Variants in AVL9 observed in about 807,000 individuals in gnomAD.
AVL9 encodes AVL9 cell migration associated, also known as late secretory pathway protein AVL9 homolog.
In AVL9, 49 loss-of-function variants were observed where a neutral mutation model predicts 79.2. The observed-to-expected ratio is 0.62, with a 90% CI of 0.49 to 0.79. AVL9 has a LOEUF of 0.79. Ranked by LOEUF, AVL9 falls within the 30% of genes least tolerant of loss-of-function variation. The probability of loss-of-function intolerance (pLI) is 0.00; values close to 1 mark genes in which losing one functional copy is unlikely to be tolerated. For synonymous variants in AVL9, 299 were observed against 280.6 expected, an observed-to-expected ratio of 1.07 and a Z score of -0.65; for missense variants, 682 against 776.8, an observed-to-expected ratio of 0.88 and a Z score of 1.45.
chr7:32,533,588 A>G (rs930077796), intron 1 of AVL9: 1 of 152,228 alleles, frequency 6.6e-6, no homozygotes, highest in African/African-American at 2.4e-5. Flanking sequence ...TGAGAAGAAA[A>G]CATGTCTGAT....
chr7:32,560,255 A>ATT (rs1331907248), intron 10 of AVL9, among the ~76,000 whole-genome samples: 1 of 72,688 alleles, frequency 1.4e-5, no homozygotes, highest in African/African-American at 3.9e-5. Context: ...TTTAATAATT[A>ATT]TTTTAAAAAA....
chr7:32,552,328 C>A, intron 6 of AVL9, 33 bp downstream of exon 6: 1 of 1,345,040 alleles, frequency 7.4e-7, no homozygotes. Context: ...AAAAGAGATC[C>A]CCTCATTTCT....
chr7:32,516,106 A>T (rs556298443), intron 1 of AVL9, among the ~76,000 whole-genome samples: 1 of 152,328 alleles, frequency 6.6e-6, no homozygotes, highest in East Asian at 1.9e-4. Flanking sequence ...AGTCATGGGC[A>T]GATTCTTCTT....
Position 32,495,643 on chromosome 7 carries a change from C to T in AVL9, c.-67C>T. ...CCCGAAGTCCGCGGCTTTCCGCACA[C>T]GGTGGGGTCGTCAGACCCGCTGCCC... On this transcript the variant is annotated 5_prime_UTR_variant, in exon 1 of 16. In the 5' UTR this introduces an upstream ATG that the reference lacks. Transcript: ENST00000318709. The T allele has an allele frequency of 9.1e-7, 1 of 1,099,210 alleles. No homozygotes were observed. The highest frequency in any genetic ancestry group is 1.2e-6 in the Non-Finnish European group (1 of 851,204). The allele number at this position is 1,099,210 out of a possible 1,614,324, so 68.1% of individuals were successfully genotyped here. A position where few individuals can be genotyped will look rare whatever the true frequency, so the allele number is the denominator to read the frequency against.
intron 12 of AVL9, among the ~76,000 whole-genome samples, chr7:32,575,476 T>C (rs1323616577): frequency 2.0e-5 from 3 of 152,088 alleles, no homozygotes; most frequent in South Asian, 2.1e-4. Flanking sequence ...GGAGAGAACA[T>C]CATGACTGAA....
At chr7:32,533,818 A>G (rs1373022479) in intron 1 of AVL9, 1 of 152,006 alleles carries the variant, frequency 6.6e-6, no homozygotes, top group African/African-American at 2.4e-5. Context: ...GGGTCCATGG[A>G]TGTGGTTAAT....
At chr7:32,577,951 A>G (rs376946610) in intron 13 of AVL9, among the ~76,000 whole-genome samples, 76 of 152,326 alleles carry the variant, frequency 5.0e-4, no homozygotes, top group African/African-American at 1.8e-3. Flanking sequence ...GAGAAATGGC[A>G]TGCAAATTTG....
intron 8 of AVL9, among the ~76,000 whole-genome samples, chr7:32,557,851 C>CTTTTT: frequency 1.6e-5 from 1 of 64,246 alleles, no homozygotes; most frequent in African/African-American, 5.6e-5. Flanking sequence ...TTAGCTGTTA[C>CTTTTT]TCTTTTTTTT....
At chr7:32,505,965 G>T (rs1158967780) in intron 1 of AVL9, among the ~76,000 whole-genome samples, 3 of 152,082 alleles carry the variant, frequency 2.0e-5, no homozygotes, top group Admixed American at 6.5e-5. Context: ...AAGATTCTAA[G>T]TCCGTAAAGT....
At chr7:32,512,891 T>C (rs1460267457) in intron 1 of AVL9, among the ~76,000 whole-genome samples, 1 of 152,038 alleles carries the variant, frequency 6.6e-6, no homozygotes, top group East Asian at 1.9e-4. Context: ...CAACCCAAAT[T>C]TCTACCACAT....
At chr7:32,548,728 T>C (rs1468646855) in intron 3 of AVL9, 119 bp from the exon 4 acceptor site, 25 of 676,986 alleles carry the variant, frequency 3.7e-5, no homozygotes, top group Non-Finnish European at 5.7e-5. Flanking sequence ...TAAAAAACTT[T>C]TTGAATTTAA....
chr7:32,558,747 G>A (rs1562828), intron 9 of AVL9, 119 bp downstream of exon 9: 645,619 of 996,936 alleles, frequency 0.65, 211,193 homozygotes, highest in Admixed American at 0.74. Context: ...TTAATATGAC[G>A]TCTTCCTTTT....
chr7:32,521,542 G>A (rs1263834929), intron 1 of AVL9, among the ~76,000 whole-genome samples: 1 of 152,196 alleles, frequency 6.6e-6, no homozygotes, highest in Non-Finnish European at 1.5e-5. Context: ...TTTCTAAGCA[G>A]CAAAGCATTC....
chr7:32,581,923 G>A (rs746221119), intron 15 of AVL9, among the ~76,000 whole-genome samples: 4 of 152,248 alleles, frequency 2.6e-5, no homozygotes, highest in Non-Finnish European at 5.9e-5. Flanking sequence ...AATGTTTAAG[G>A]AAGAAATACT....
intron 8 of AVL9, among the ~76,000 whole-genome samples, chr7:32,557,003 T>C (rs1271929449): frequency 6.6e-6 from 1 of 152,184 alleles, no homozygotes; most frequent in Non-Finnish European, 1.5e-5. Context: ...GAAAGTAATT[T>C]GTAGACATTA....
At chr7:32,558,899 C>T (rs766947874) in intron 9 of AVL9, 30 bp from the exon 10 acceptor site, 3 of 1,529,266 alleles carry the variant, frequency 2.0e-6, no homozygotes, top group Non-Finnish European at 1.8e-6. Context: ...TATTATAAGC[C>T]AAGCTGTTCT....
intron 10 of AVL9, among the ~76,000 whole-genome samples, chr7:32,566,883 A>C (rs1022795659): frequency 6.6e-6 from 1 of 152,212 alleles, no homozygotes; most frequent in African/African-American, 2.4e-5. Flanking sequence ...ACTCCGTCTC[A>C]AAAAATAAAT....
At chr7:32,536,089 G>T (rs1000102760) in intron 1 of AVL9, 12 of 152,178 alleles carry the variant, frequency 7.9e-5, no homozygotes, top group Admixed American at 7.9e-4. Context: ...AGTCTCAGGT[G>T]TTTTTTCATA....
At chr7:32,581,548 T>C (rs1791509840) in intron 15 of AVL9, 1 of 152,192 alleles carries the variant, frequency 6.6e-6, no homozygotes, top group African/African-American at 2.4e-5. Flanking sequence ...TTAAAGAAAT[T>C]GGGCCGAATG....
Sources: gnomAD v4.1 joint callset for allele counts (sites outside exome capture counted in the v4.1 genomes callset) on GRCh38, gnomAD v4.1.1 for gene constraint, MANE v1.5 for transcripts, NCBI Gene and HGNC (gene_info 2026-07-23, HGNC 2026-07-21) for gene names.